The following TP53BP2 variants were observed in gnomAD, a reference collection of about 807,000 sequenced individuals.
TP53BP2 encodes tumor protein p53 binding protein 2, also known as apoptosis-stimulating of p53 protein 2.
A neutral mutation model predicts 126.2 loss-of-function variants in TP53BP2; 62 were observed. The ratio of observed to expected loss-of-function variants is 0.49; its 90% CI spans 0.40 to 0.61. TP53BP2 has a LOEUF of 0.61. Ranked by LOEUF, TP53BP2 falls within the 20% of genes least tolerant of loss-of-function variation. The pLI, the probability that TP53BP2 is intolerant of heterozygous loss-of-function variation, is 0.00. For synonymous variants in TP53BP2, 485 were observed against 502.9 expected (o/e 0.96, Z 0.48); for missense variants, 1,215 against 1,402.8 (o/e 0.87, Z 2.14).
chr1:223,800,792 A>G lies in TP53BP2; in HGVS notation c.1244T>C (p.Val415Ala), dbSNP rs1176020336. Residue 415 changes from valine to alanine, a missense_variant, in exon 10 of 18, where the codon GTT becomes GCT. Val to Ala is a moderately conservative substitution (Grantham distance 64). This residue lies in a region of TP53BP2 where 814 missense variants were observed against 853.0 expected (regional missense o/e 0.95). Transcript: ENST00000343537. ...ATTTGAAGGACTCCAATCAGGGCCA[A>G]CTGGATGGATTTTAGAGCCTAAAAT... ...SQTKGSKIHP[V>A]GPDWSPSNAD... is the part of the protein sequence containing the mutation. 4 of 1,606,656 alleles carry G rather than the reference A, an allele frequency of 2.5e-6. No homozygotes were observed. In the South Asian group the frequency reaches 3.4e-5, roughly 13 times the overall value.
intron 1 of TP53BP2, among the ~76,000 whole-genome samples, chr1:223,839,331 C>T (rs1664027447): frequency 6.6e-6 from 1 of 152,166 alleles, no homozygotes; most frequent in Non-Finnish European, 1.5e-5. Flanking sequence ...GACGGGATGA[C>T]CAACCTAAAT....
At chr1:223,830,047 C>A (rs2102881891) in intron 1 of TP53BP2, among the ~76,000 whole-genome samples, 1 of 152,236 alleles carries the variant, frequency 6.6e-6, no homozygotes, top group Middle Eastern at 3.4e-3. Flanking sequence ...ACAGATCCCA[C>A]AAGACAATAC....
intron 17 of TP53BP2, 134 bp from the exon 18 acceptor site, chr1:223,781,028 G>A: frequency 1.2e-6 from 1 of 809,686 alleles, no homozygotes; most frequent in Admixed American, 2.5e-5. Context: ...TCTTTGTGGT[G>A]TGTGTGGCAC....
chr1:223,783,286 A>G (rs1026811315), intron 17 of TP53BP2, among the ~76,000 whole-genome samples: 14 of 152,336 alleles, frequency 9.2e-5, no homozygotes, highest in African/African-American at 2.6e-4. Context: ...GGATATCCAG[A>G]TAACAGGTGC....
At position 223,796,393 on chromosome 1, in the gene TP53BP2, A is replaced by G; in HGVS notation, c.2146T>C (p.Tyr716His). ...TKLLPFLSNP[Y>H]RNQSDADLEA... Reference sequence around the variant, plus strand: ...AGGTCAGCATCACTCTGGTTTCGGTAAGGATTAGATAAGAAAGGCAGTAAT... The same window carrying G: ...AGGTCAGCATCACTCTGGTTTCGGTGAGGATTAGATAAGAAAGGCAGTAAT... The change falls in exon 13 of 18, where the codon TAC (tyrosine) becomes CAC (histidine). Residue 716 changes from tyrosine to histidine, a missense_variant. This residue lies in a region of TP53BP2 where 46 missense variants were observed against 93.0 expected (regional missense o/e 0.49). Transcript: ENST00000343537. The surrounding 1 kb of genome is among the most constrained non-coding windows in gnomAD (Gnocchi z 4.2). 1 of 1,614,186 alleles carries G rather than the reference A, an allele frequency of 6.2e-7. No homozygotes were observed. The highest frequency in any genetic ancestry group is 8.5e-7 in the Non-Finnish European group (1 of 1,180,030).
intron 14 of TP53BP2, 129 bp from the exon 15 acceptor site, chr1:223,792,651 AC>A: frequency 1.1e-6 from 1 of 884,994 alleles, no homozygotes; most frequent in Non-Finnish European, 1.6e-6. Context: ...CATAATTAAA[AC>A]CTATAGGAGC....
chr1:223,806,741 T>C, intron 5 of TP53BP2, 105 bp downstream of exon 5: 2 of 797,794 alleles, frequency 2.5e-6, no homozygotes, highest in East Asian at 2.7e-5. Context: ...GGAGAATCAC[T>C]TGAACTCAGG....
intron 3 of TP53BP2, among the ~76,000 whole-genome samples, chr1:223,811,284 C>A (rs1356207234): frequency 6.6e-6 from 1 of 152,016 alleles, no homozygotes; most frequent in East Asian, 1.9e-4. Flanking sequence ...TAAGCTCATA[C>A]CTGTACTTCC....
chr1:223,832,185 G>A (rs915227117), intron 1 of TP53BP2, among the ~76,000 whole-genome samples: 4 of 152,184 alleles, frequency 2.6e-5, no homozygotes, highest in Non-Finnish European at 5.9e-5. Context: ...TCACCAAAGG[G>A]AAATTACGCT....
rs766729268 is a variant in TP53BP2, at chr1:223,796,467, T to A, written c.2072A>T (p.Gln691Leu). 1 of 1,614,104 alleles carries A rather than the reference T, an allele frequency of 6.2e-7. No individual in the cohort carries two copies. Among genetic ancestry groups the A allele is most frequent in the Admixed American group, 1.7e-5 (1 of 60,010 alleles). Residue 691 changes from glutamine to leucine, a missense_variant, in exon 13 of 18, where the codon CAG becomes CTG. Around this residue, in one of 4 missense-constraint regions of TP53BP2, gnomAD observed 814 missense variants for 853.0 expected, o/e 0.95. Transcript: ENST00000343537. The surrounding 1 kb of genome is among the most constrained non-coding windows in gnomAD (Gnocchi z 4.2). ...AATTCTTTCGTTTTCATGGTTCTCC[T>A]GAACTGAAGAAACAGGCTCTGTTTC... ...EPETEPVSSV[Q>L]ENHENERIPR...
At chr1:223,821,975 T>A (rs1663329182) in intron 1 of TP53BP2, among the ~76,000 whole-genome samples, 1 of 151,878 alleles carries the variant, frequency 6.6e-6, no homozygotes, top group Non-Finnish European at 1.5e-5. Context: ...CACTGCAACA[T>A]CCGCCTCCCG....
At chr1:223,789,944 T>C (rs1312142863) in intron 15 of TP53BP2, among the ~76,000 whole-genome samples, 1 of 152,052 alleles carries the variant, frequency 6.6e-6, no homozygotes, top group Non-Finnish European at 1.5e-5. Context: ...TTTAGTTTCT[T>C]TACTCTTTCC....
intron 4 of TP53BP2, among the ~76,000 whole-genome samples, chr1:223,808,672 T>C (rs1158721299): frequency 1.3e-5 from 2 of 148,490 alleles, no homozygotes; most frequent in Non-Finnish European, 3.0e-5. Flanking sequence ...AAAAAATCTC[T>C]ATGACCCTGG....
intron 15 of TP53BP2, among the ~76,000 whole-genome samples, chr1:223,791,188 A>C (rs1470019897): frequency 6.6e-6 from 1 of 152,160 alleles, no homozygotes; most frequent in East Asian, 1.9e-4. Flanking sequence ...CCACTTTGAA[A>C]GGCTCGGGCA....
intron 1 of TP53BP2, among the ~76,000 whole-genome samples, chr1:223,835,366 T>C (rs1258396075): frequency 6.6e-6 from 1 of 152,254 alleles, no homozygotes; most frequent in Non-Finnish European, 1.5e-5. Flanking sequence ...ATATCTGTCA[T>C]AAACAATCAA....
At chr1:223,831,474 A>AT (rs1553263410) in intron 1 of TP53BP2, among the ~76,000 whole-genome samples, 1 of 72,210 alleles carries the variant, frequency 1.4e-5, no homozygotes, top group Non-Finnish European at 2.4e-5. Context: ...TCTAAAAAAA[A>AT]AAAAAAATAT....
At chr1:223,786,553 TA>T (rs1168570077) in intron 16 of TP53BP2, among the ~76,000 whole-genome samples, 1 of 150,508 alleles carries the variant, frequency 6.6e-6, no homozygotes, top group Non-Finnish European at 1.5e-5. Context: ...ATTAACACAT[TA>T]TATATATGTG....
intron 16 of TP53BP2, among the ~76,000 whole-genome samples, chr1:223,788,159 C>T (rs553339132): frequency 1.3e-5 from 2 of 152,278 alleles, no homozygotes; most frequent in Admixed American, 1.3e-4. Flanking sequence ...GGTTCTCTGA[C>T]CCCTCTCTCT....
At chr1:223,792,652 C>T in intron 14 of TP53BP2, 130 bp from the exon 15 acceptor site, 2 of 827,436 alleles carry the variant, frequency 2.4e-6, no homozygotes, top group Non-Finnish European at 3.5e-6. Flanking sequence ...ATAATTAAAA[C>T]CTATAGGAGC....
Sources: allele counts gnomAD v4.1 joint callset (sites outside exome capture counted in the v4.1 genomes callset), GRCh38; gene constraint gnomAD v4.1.1; regional missense constraint gnomAD v4.1.1; non-coding constraint Gnocchi (gnomAD v3.1); transcripts MANE v1.5; gene names NCBI Gene and HGNC (gene_info 2026-07-23, HGNC 2026-07-21).